NXPE4: variants seen among roughly 807,000 people sequenced by gnomAD.
NXPE4 encodes the protein neurexophilin and PC-esterase domain family member 4.
Under a neutral mutation model 33.3 loss-of-function variants are expected in NXPE4, and 42 were observed. The observed-to-expected ratio is 1.26, with a 90% confidence interval of 0.98 to 1.63. NXPE4 has a LOEUF of 1.63. NXPE4 is among the 40% of genes most tolerant of loss of function. The pLI is 0.00. For synonymous variants in NXPE4, 253 were observed against 234.9 expected (o/e 1.08, Z -0.71); for missense variants, 709 against 647.6 (o/e 1.09, Z -1.03).
chr11:114,612,009 C>T, the NXPE4 span, among the ~76,000 whole-genome samples: 3 of 151,886 alleles, frequency 2.0e-5, no homozygotes, highest in Non-Finnish European at 4.4e-5. Flanking sequence ...ATAAGTCATG[C>T]CTCATGGGTA....
the NXPE4 span, among the ~76,000 whole-genome samples, chr11:114,673,064 CTA>C: frequency 6.8e-6 from 1 of 147,474 alleles, no homozygotes; most frequent in African/African-American, 2.5e-5. Context: ...TAAAACAAGC[CTA>C]TATATATATT....
the NXPE4 span, among the ~76,000 whole-genome samples, chr11:114,639,301 G>A: frequency 1.0e-3 from 155 of 152,196 alleles, 1 homozygote; most frequent in Admixed American, 8.3e-3. Flanking sequence ...CTGGTGCACC[G>A]TTCCTTAAGC....
the NXPE4 span, among the ~76,000 whole-genome samples, chr11:114,665,702 T>C: frequency 3.9e-5 from 6 of 152,100 alleles, no homozygotes; most frequent in Non-Finnish European, 8.8e-5. Flanking sequence ...AGAAAGACAG[T>C]GCATAGGTGG....
intron 4 of NXPE4, among the ~76,000 whole-genome samples, 166 bp from the exon 5 acceptor site, chr11:114,580,504 TA>T (rs1158133242): frequency 2.0e-5 from 3 of 152,202 alleles, no homozygotes; most frequent in East Asian, 3.8e-4. Flanking sequence ...GTTTTTTTAA[TA>T]AAAATTTTTC....
intron 2 of NXPE4, among the ~76,000 whole-genome samples, chr11:114,593,892 G>A (rs1020493271): frequency 1.3e-5 from 2 of 152,076 alleles, no homozygotes; most frequent in African/African-American, 4.8e-5. Flanking sequence ...GGAACTGAAG[G>A]TCATTATGTT....
At chr11:114,676,675 G>A in the NXPE4 span, among the ~76,000 whole-genome samples, 2 of 151,962 alleles carry the variant, frequency 1.3e-5, no homozygotes, top group African/African-American at 4.8e-5. Context: ...AATTAGTACA[G>A]CCATTTTGGA....
At position 114,580,148 on chromosome 11, in the gene NXPE4, G is replaced by T. The variant is rs1251406552; in HGVS notation, c.1083C>A (p.Phe361Leu). 2 of 1,613,602 alleles carry T rather than the reference G, an allele frequency of 1.2e-6. No homozygotes were observed. Among genetic ancestry groups the T allele is most frequent in the Non-Finnish European group, 8.5e-7 (1 of 1,179,494 alleles). ...DSTIRQWMEYFKASINTLKSV... is the reference protein window; with the variant it reads ...DSTIRQWMEYLKASINTLKSV... ...GAGGCATACTGTTGATACTGGCTTT[G>T]AAGTATTCCATCCACTGGCGGATCG... The change falls in exon 5 of 6, where the codon TTC becomes TTA. Residue 361 changes from phenylalanine (F) to leucine (L), a missense_variant. Coordinates refer to ENST00000375478, the MANE Select transcript of NXPE4 (RefSeq NM_001077639.2).
chr11:114,674,881 AAC>A, the NXPE4 span, among the ~76,000 whole-genome samples: 2 of 151,882 alleles, frequency 1.3e-5, no homozygotes, highest in Admixed American at 6.6e-5. Context: ...ATCCCTAATG[AAC>A]ATAGATGCAA....
the NXPE4 span, among the ~76,000 whole-genome samples, chr11:114,664,138 T>C: frequency 3.3e-5 from 5 of 152,196 alleles, no homozygotes; most frequent in Admixed American, 3.3e-4. Context: ...GTCCTTCGAC[T>C]AATTAAACAA....
At chr11:114,648,554 G>C in the NXPE4 span, among the ~76,000 whole-genome samples, 3 of 152,110 alleles carry the variant, frequency 2.0e-5, no homozygotes, top group Admixed American at 2.0e-4. Flanking sequence ...GAAACACCCA[G>C]AGTAATGATT....
At chr11:114,574,481 G>T (rs1948955392) in intron 5 of NXPE4, among the ~76,000 whole-genome samples, 1 of 151,880 alleles carries the variant, frequency 6.6e-6, no homozygotes, top group Non-Finnish European at 1.5e-5. Flanking sequence ...GAAGAGAGAA[G>T]ATCCAAATAA....
the NXPE4 span, among the ~76,000 whole-genome samples, chr11:114,610,114 G>A: frequency 1.3e-5 from 2 of 151,550 alleles, no homozygotes; most frequent in Admixed American, 1.3e-4. Context: ...TGTCTTGTGG[G>A]TAACCCGTTA....
chr11:114,594,475 T>G (rs1949533327), intron 2 of NXPE4, among the ~76,000 whole-genome samples, 189 bp downstream of exon 2: 1 of 152,220 alleles, frequency 6.6e-6, no homozygotes, highest in Admixed American at 6.5e-5. Context: ...AATGTGTATG[T>G]GTGAACACAC....
the NXPE4 span, among the ~76,000 whole-genome samples, chr11:114,670,799 G>T: frequency 6.6e-6 from 1 of 151,814 alleles, no homozygotes; most frequent in Admixed American, 6.6e-5. Flanking sequence ...GAAATATTCA[G>T]TTTTCAACAA....
the NXPE4 span, among the ~76,000 whole-genome samples, chr11:114,648,084 G>A: frequency 1.3e-5 from 2 of 152,040 alleles, no homozygotes; most frequent in South Asian, 2.1e-4. Flanking sequence ...CTTTGCCCTG[G>A]TTCCTGAGAC....
chr11:114,580,062 C>T, intron 5 of NXPE4, 70 bp downstream of exon 5: 1 of 1,292,992 alleles, frequency 7.7e-7, no homozygotes, highest in Non-Finnish European at 1.1e-6. Flanking sequence ...TCCCATATTC[C>T]CTTCTCCCCT....
chr11:114,600,361 A>G (rs77325063), upstream of NXPE4, among the ~76,000 whole-genome samples: 45 of 152,270 alleles, frequency 3.0e-4, no homozygotes, highest in East Asian at 1.5e-3. Context: ...AAACAAAAAT[A>G]GTTATACATG....
the NXPE4 span, among the ~76,000 whole-genome samples, chr11:114,611,822 C>T: frequency 4.6e-5 from 7 of 151,490 alleles, no homozygotes; most frequent in Admixed American, 6.6e-5. Context: ...CACTGTTACC[C>T]GGTGGATAAT....
chr11:114,600,263 A>C (rs1591361705), upstream of NXPE4, among the ~76,000 whole-genome samples: 1 of 152,186 alleles, frequency 6.6e-6, no homozygotes, highest in Non-Finnish European at 1.5e-5. Context: ...GTAAGAAGAC[A>C]TATCTTGGTT....
Sources: allele counts gnomAD v4.1 joint callset (sites outside exome capture counted in the v4.1 genomes callset), GRCh38; gene constraint gnomAD v4.1.1; transcripts MANE v1.5; gene names NCBI Gene and HGNC (gene_info 2026-07-23, HGNC 2026-07-21).